The following CBLL1 variants were observed in gnomAD, a reference collection of about 807,000 sequenced individuals.
CBLL1 encodes E3 ubiquitin-protein ligase Hakai.
CBLL1 carries 4 observed loss-of-function variants against 44.9 expected under a neutral mutation model. That is an observed-to-expected ratio of 0.09 (90% confidence interval 0.04 to 0.20). CBLL1 has a LOEUF of 0.20. CBLL1 is among the 10% of genes least tolerant of loss of function. The pLI is 1.00. For synonymous variants in CBLL1, 235 were observed against 202.2 expected, an observed-to-expected ratio of 1.16 and a Z score of -1.38; for missense variants, 569 against 636.7, an observed-to-expected ratio of 0.89 and a Z score of 1.14.
chr7:107,749,601 CTTTTTT>C (rs35477663), intron 2 of CBLL1, among the ~76,000 whole-genome samples: 1 of 138,544 alleles, frequency 7.2e-6, no homozygotes, highest in Non-Finnish European at 1.6e-5. Flanking sequence ...CAGATTTGGC[CTTTTTT>C]TTTTTTTTAA....
Position 107,755,455 on chromosome 7 carries a change from T to G in CBLL1, c.404T>G (p.Ile135Ser). 1 of 1,590,312 alleles carries G rather than the reference T, an allele frequency of 6.3e-7. No homozygotes were observed. The highest frequency in any genetic ancestry group is 8.6e-7 in the Non-Finnish European group (1 of 1,167,144). ...CATGTTTTTTGCTATGACTGTGCTA[T>G]TTTACATGAAAAAAAGGGAGATAAG... is the stretch of plus-strand genomic sequence containing the variant. ...CKHVFCYDCA[I>S]LHEKKGDKMC... Residue 135 changes from isoleucine (I) to serine (S), a missense_variant, in exon 5 of 6, where the codon ATT becomes AGT. By Grantham distance (142) the Ile-to-Ser change is moderately radical. Transcript: ENST00000440859.
chr7:107,745,030 TTAGGTGTGTATGTTTATTTATG>T (rs1364224629), intron 1 of CBLL1, among the ~76,000 whole-genome samples: 7 of 152,282 alleles, frequency 4.6e-5, no homozygotes, highest in South Asian at 2.1e-4. Context: ...GGTTATATAA[TTAGGTGTGTATGTTTATTTATG>T]TAGGTGTGTA....
intron 2 of CBLL1, among the ~76,000 whole-genome samples, chr7:107,749,480 C>T (rs1793174630): frequency 6.6e-6 from 1 of 151,536 alleles, no homozygotes; most frequent in Non-Finnish European, 1.5e-5. Flanking sequence ...TATAGATATA[C>T]CATAATTTAT....
At chr7:107,746,485 A>G (rs538374465) in intron 1 of CBLL1, among the ~76,000 whole-genome samples, 120 of 152,310 alleles carry the variant, frequency 7.9e-4, no homozygotes, top group African/African-American at 2.8e-3. Context: ...CTGATTGTGA[A>G]ATAAAATTAT....
At chr7:107,746,372 A>G (rs1000065847) in intron 1 of CBLL1, among the ~76,000 whole-genome samples, 5 of 151,950 alleles carry the variant, frequency 3.3e-5, no homozygotes, top group Admixed American at 1.3e-4. Context: ...TCCCTCTCAG[A>G]TGTCCCTTCT....
intron 2 of CBLL1, among the ~76,000 whole-genome samples, chr7:107,752,057 G>C (rs1433010795): frequency 6.6e-6 from 1 of 151,958 alleles, no homozygotes; most frequent in African/African-American, 2.4e-5. Flanking sequence ...AAATTAGCTG[G>C]GTGTGGTGGC....
At chr7:107,744,224 C>T (rs199725875) in intron 1 of CBLL1, 48 bp downstream of exon 1, 7 of 1,517,790 alleles carry the variant, frequency 4.6e-6, no homozygotes, top group Admixed American at 4.3e-5. Context: ...CCCCCTTGGC[C>T]GGCCTGGGGC....
intron 2 of CBLL1, chr7:107,749,321 C>T: frequency 4.4e-6 from 1 of 229,728 alleles, no homozygotes; most frequent in Non-Finnish European, 8.4e-6. Context: ...TAAAATCCTT[C>T]TATCCAAAGA....
intron 1 of CBLL1, among the ~76,000 whole-genome samples, chr7:107,745,088 G>A (rs1235425971): frequency 6.6e-6 from 1 of 152,228 alleles, no homozygotes; most frequent in Non-Finnish European, 1.5e-5. Flanking sequence ...GATACATGCA[G>A]ATATCTATAG....
At chr7:107,745,205 TA>T (rs1286642792) in intron 1 of CBLL1, among the ~76,000 whole-genome samples, 5 of 152,190 alleles carry the variant, frequency 3.3e-5, no homozygotes, top group East Asian at 1.9e-4. Context: ...TTAAATTTAT[TA>T]TTTTTTTAAT....
In CBLL1 at chr7:107,758,676, A is replaced by C; in HGVS notation, c.974A>C (p.Gln325Pro). ...CACCATCATCCTGAATATCAGGGTC[A>C]ACCAGTGGTATCGCACCCTCATCAT... Reference protein sequence around the residue: ...PAHHHPEYQGQPVVSHPHHIM... With the variant: ...PAHHHPEYQGPPVVSHPHHIM... The change falls in exon 6 of 6, where the codon CAA (glutamine) becomes CCA (proline). Residue 325 changes from glutamine (Q) to proline (P), a missense_variant. Around this residue, in one of 5 missense-constraint regions of CBLL1, gnomAD observed 228 missense variants for 253.2 expected, o/e 0.90. Coordinates refer to ENST00000440859, the MANE Select transcript of CBLL1 (RefSeq NM_024814.4). The surrounding 1 kb of genome is among the most constrained non-coding windows in gnomAD (Gnocchi z 4.2). 6.2e-7 allele frequency: 1 copy of C among 1,613,988 alleles called. No homozygotes were observed. Among genetic ancestry groups the C allele is most frequent in the Non-Finnish European group, 8.5e-7 (1 of 1,179,978 alleles).
chr7:107,747,876 A>G (rs1793091140), intron 1 of CBLL1, among the ~76,000 whole-genome samples: 1 of 152,176 alleles, frequency 6.6e-6, no homozygotes, highest in Non-Finnish European at 1.5e-5. Context: ...CTTGACTGTA[A>G]TATTTCCTGC....
In CBLL1 at chr7:107,759,992, T is replaced by G. The variant is rs749008449; in HGVS notation, c.*814T>G. The G allele has an allele frequency of 4.6e-5, 7 of 152,302 alleles. No individual in the cohort carries two copies. The highest frequency in any genetic ancestry group is 1.0e-4 in the Non-Finnish European group (7 of 67,998). 9.4% of individuals were successfully genotyped at this position (152,302 alleles called of 1,614,324 possible). ...TCATTAATGCTTTTTTACTGAATGGTCGGAATCACATATGCACCACACATA... is the reference window on the plus strand; with the variant it reads ...TCATTAATGCTTTTTTACTGAATGGGCGGAATCACATATGCACCACACATA... On this transcript the variant is annotated 3_prime_UTR_variant, in exon 6 of 6. Transcript: ENST00000440859.
Position 107,759,843 on chromosome 7 carries a change from C to T in CBLL1, c.*665C>T, listed in dbSNP as rs1254362182. 6.6e-6 allele frequency: 1 copy of T among 152,292 alleles called. No homozygotes were observed. Among genetic ancestry groups the T allele is most frequent in the African/African-American group, 2.4e-5 (1 of 41,438 alleles). The allele number at this position is 152,292 out of a possible 1,614,324, so 9.4% of individuals were successfully genotyped here. On this transcript the variant is annotated 3_prime_UTR_variant, in exon 6 of 6. Coordinates refer to ENST00000440859, the MANE Select transcript of CBLL1 (RefSeq NM_024814.4). ...AGGCAGCCTCAGGAGCACCAAAATA[C>T]ATTGGAATTCTAGTACTAAGATATA...
chr7:107,755,360 TA>T, intron 4 of CBLL1, 57 bp from the exon 5 acceptor site: 1 of 863,992 alleles, frequency 1.2e-6, no homozygotes, highest in South Asian at 2.7e-5. Context: ...TATATATATA[TA>T]TTTTAAAAAT....
At chr7:107,747,168 A>G (rs1262647050) in intron 1 of CBLL1, among the ~76,000 whole-genome samples, 3 of 152,226 alleles carry the variant, frequency 2.0e-5, no homozygotes, top group Non-Finnish European at 4.4e-5. Context: ...TATCATTATT[A>G]AATGCTGTAC....
Position 107,759,169 on chromosome 7 carries a change from T to C in CBLL1, c.1467T>C (p.Tyr489=), listed in dbSNP as rs1277181581. 8 of 1,596,010 alleles carry C rather than the reference T, an allele frequency of 5.0e-6. No individual in the cohort carries two copies. Among genetic ancestry groups the C allele is most frequent in the Non-Finnish European group, 6.8e-6 (8 of 1,170,378 alleles). ...HHPDQTRYRP[Y]YQ is the part of the protein sequence containing the mutation. ...CAGATCAGACAAGATATAGACCGTA[T>C]TACCAATGATAATAGTATTTTGAAT... Residue 489 remains tyrosine (Y), a synonymous_variant, in exon 6 of 6, where the codon TAT becomes TAC. Coordinates refer to ENST00000440859, the MANE Select transcript of CBLL1 (RefSeq NM_024814.4).
chr7:107,745,187 CT>C (rs1232429599), intron 1 of CBLL1, among the ~76,000 whole-genome samples: 7 of 151,214 alleles, frequency 4.6e-5, no homozygotes, highest in South Asian at 4.2e-4. Context: ...ACAATACGTT[CT>C]TTTTTTTTAA....
At chr7:107,752,881 C>T (rs769909043) in intron 2 of CBLL1, among the ~76,000 whole-genome samples, 7 of 152,104 alleles carry the variant, frequency 4.6e-5, no homozygotes, top group Non-Finnish European at 1.0e-4. Flanking sequence ...GTTAAAGTGT[C>T]TAAATCACTC....
Sources: allele counts gnomAD v4.1 joint callset (sites outside exome capture counted in the v4.1 genomes callset), GRCh38; gene constraint gnomAD v4.1.1; regional missense constraint gnomAD v4.1.1; non-coding constraint Gnocchi (gnomAD v3.1); transcripts MANE v1.5; gene names NCBI Gene and HGNC (gene_info 2026-07-23, HGNC 2026-07-21).